Variants in YAP1 observed in about 807,000 individuals in gnomAD.
YAP1 encodes the protein transcriptional coactivator YAP1.
A neutral mutation model predicts 56.9 loss-of-function variants in YAP1; 5 were observed. The ratio of observed to expected loss-of-function variants is 0.09; its 90% CI spans 0.05 to 0.18. YAP1 has a LOEUF of 0.18. YAP1 is among the 10% of genes least tolerant of loss of function. The pLI is 1.00. For synonymous variants in YAP1, 265 were observed against 248.1 expected, an observed-to-expected ratio of 1.07 and a Z score of -0.64; for missense variants, 539 against 651.8, an observed-to-expected ratio of 0.83 and a Z score of 1.88.
intron 2 of YAP1, among the ~76,000 whole-genome samples, chr11:102,145,886 A>AT (rs973346823): frequency 6.6e-6 from 1 of 152,124 alleles, no homozygotes; most frequent in Non-Finnish European, 1.5e-5. Flanking sequence ...CAGTGTTTTG[A>AT]TTCCTGACTG....
Position 102,125,439 on chromosome 11 carries a change from C to A in YAP1, c.572+11045C>A, listed in dbSNP as rs182667124. Among the ~76,000 whole-genome samples, 4 of 147,880 alleles carry A rather than the reference C, an allele frequency of 2.7e-5. No individual in the cohort carries two copies. In the East Asian group the frequency reaches 8.0e-4, roughly 30 times the overall value. ...TTGCCCAGGCTGGAGTGCGGTGGCA[C>A]AATTTTGGCTCACTGCAGCCTCCGC... On this transcript the variant is annotated intron_variant, in intron 2 of 8. Transcript: ENST00000282441.
At chr11:102,158,018 A>G (rs1438406408) in intron 2 of YAP1, among the ~76,000 whole-genome samples, 2 of 152,188 alleles carry the variant, frequency 1.3e-5, no homozygotes, top group Non-Finnish European at 2.9e-5. Flanking sequence ...CCTAACGCCT[A>G]ATTTGTGCCA....
chr11:102,184,370 G>C (rs1947834311), intron 3 of YAP1, among the ~76,000 whole-genome samples: 1 of 152,176 alleles, frequency 6.6e-6, no homozygotes, highest in Non-Finnish European at 1.5e-5. Context: ...GAAAAGGTTT[G>C]ATATACATGT....
chr11:102,142,579 C>G (rs1402664119), intron 2 of YAP1, among the ~76,000 whole-genome samples: 2 of 152,230 alleles, frequency 1.3e-5, no homozygotes, highest in Admixed American at 1.3e-4. Flanking sequence ...CATAGCCAGA[C>G]ACTTTCCATA....
intron 8 of YAP1, among the ~76,000 whole-genome samples, chr11:102,228,792 G>C (rs1443717111): frequency 3.3e-5 from 5 of 152,096 alleles, no homozygotes; most frequent in Non-Finnish European, 4.4e-5. Context: ...GCATGAATTG[G>C]CAGGGAAATG....
At chr11:102,141,623 T>C (rs1237699764) in intron 2 of YAP1, among the ~76,000 whole-genome samples, 1 of 152,224 alleles carries the variant, frequency 6.6e-6, no homozygotes, top group Non-Finnish European at 1.5e-5. Flanking sequence ...ATAGACAGAA[T>C]AGGATTTTAT....
intron 3 of YAP1, among the ~76,000 whole-genome samples, chr11:102,166,933 C>A (rs527751255): frequency 4.5e-4 from 68 of 152,256 alleles, no homozygotes; most frequent in Non-Finnish European, 8.7e-4. Flanking sequence ...TCATGGTTGA[C>A]TAGGATGAAA....
chr11:102,121,098 T>C (rs1261748121), intron 2 of YAP1, among the ~76,000 whole-genome samples: 1 of 110,970 alleles, frequency 9.0e-6, no homozygotes, highest in Non-Finnish European at 1.7e-5. Context: ...AAGTTTCAGT[T>C]ACCTGCCATC....
chr11:102,221,905 A>G (rs1022227758), intron 6 of YAP1, among the ~76,000 whole-genome samples: 13 of 152,162 alleles, frequency 8.5e-5, no homozygotes, highest in African/African-American at 2.7e-4. Flanking sequence ...GGTGCATACT[A>G]CATTGGAGAA....
At chr11:102,227,714 G>T (rs879095309) in intron 8 of YAP1, 133 bp downstream of exon 8, 1 of 657,894 alleles carries the variant, frequency 1.5e-6, no homozygotes, top group African/African-American at 1.8e-5. Context: ...GAATTAAATT[G>T]ATCCTGCTTT....
Position 102,181,815 on chromosome 11 carries a change from T to C in YAP1, c.689-4203T>C, listed in dbSNP as rs147987991. Reference sequence around the variant, plus strand: ...CTGAAGAATTCTAAGTGGTTGTGTTTTGTTTGTTTTTGTTGTTGTTTTTTG... The same window carrying C: ...CTGAAGAATTCTAAGTGGTTGTGTTCTGTTTGTTTTTGTTGTTGTTTTTTG... On this transcript the variant is annotated intron_variant, in intron 3 of 8. Coordinates refer to ENST00000282441, the MANE Select transcript of YAP1 (RefSeq NM_001130145.3). 7.0e-4 allele frequency among the ~76,000 whole-genome samples: 106 copies of C among 152,288 alleles called. 1 individual carries two copies. The highest frequency in any genetic ancestry group is 2.5e-3 in the African/African-American group (104 of 41,566).
At chr11:102,120,797 T>C (rs1330393588) in intron 2 of YAP1, among the ~76,000 whole-genome samples, 2 of 152,240 alleles carry the variant, frequency 1.3e-5, no homozygotes, top group Non-Finnish European at 2.9e-5. Context: ...GTAAAGATAG[T>C]GTGCTTGTTA....
chr11:102,173,923 C>A (rs555853819), intron 3 of YAP1, among the ~76,000 whole-genome samples: 10 of 152,274 alleles, frequency 6.6e-5, no homozygotes, highest in African/African-American at 2.2e-4. Flanking sequence ...ATCATACAAG[C>A]GGTCCTTGTT....
chr11:102,200,896 T>C (rs1455006440), intron 4 of YAP1, among the ~76,000 whole-genome samples: 1 of 152,190 alleles, frequency 6.6e-6, no homozygotes, highest in Non-Finnish European at 1.5e-5. Context: ...ATACTACTCA[T>C]CTTTCAGATG....
At chr11:102,184,682 A>G (rs539087027) in intron 3 of YAP1, among the ~76,000 whole-genome samples, 114 of 152,342 alleles carry the variant, frequency 7.5e-4, no homozygotes, top group Middle Eastern at 3.4e-3. Flanking sequence ...CAGTTTAACC[A>G]AAGTTACTTA....
chr11:102,114,004 C>T, intron 1 of YAP1, 140 bp from the exon 2 acceptor site: 1 of 642,328 alleles, frequency 1.6e-6, no homozygotes, highest in Non-Finnish European at 2.4e-6. Flanking sequence ...AACCTGTGTT[C>T]TCCAGTGTCG....
At chr11:102,177,823 G>C (rs184603165) in intron 3 of YAP1, among the ~76,000 whole-genome samples, 2 of 152,256 alleles carry the variant, frequency 1.3e-5, no homozygotes, top group East Asian at 3.9e-4. Flanking sequence ...TTGACCCTGT[G>C]AGAGGCATTA....
chr11:102,179,787 T>TA (rs1288804975), intron 3 of YAP1, among the ~76,000 whole-genome samples: 4 of 152,192 alleles, frequency 2.6e-5, no homozygotes, highest in African/African-American at 7.2e-5. Flanking sequence ...AGATAGGGAC[T>TA]ATGTTGTTTA....
At chr11:102,198,088 TAAC>T (rs763810519) in intron 4 of YAP1, among the ~76,000 whole-genome samples, 27 of 152,252 alleles carry the variant, frequency 1.8e-4, no homozygotes, top group Non-Finnish European at 3.1e-4. Context: ...TATCCATAGG[TAAC>T]AACATTTAGG....
Sources: gnomAD v4.1 joint callset for allele counts (sites outside exome capture counted in the v4.1 genomes callset) on GRCh38, gnomAD v4.1.1 for gene constraint, MANE v1.5 for transcripts, NCBI Gene and HGNC (gene_info 2026-07-23, HGNC 2026-07-21) for gene names.